Variants in CACNG7 observed in about 807,000 individuals in gnomAD.
CACNG7 encodes calcium voltage-gated channel auxiliary subunit gamma 7, also known as voltage-dependent calcium channel gamma-7 subunit.
In CACNG7, 9 loss-of-function variants were observed where a neutral mutation model predicts 26.3. That is an observed-to-expected ratio of 0.34 (90% CI 0.21 to 0.60). The LOEUF (loss-of-function observed/expected upper bound fraction) is 0.60, where lower values mean the gene tolerates loss of function less well. CACNG7 is among the 20% of genes least tolerant of loss of function. The pLI is 0.81. For synonymous variants in CACNG7, 170 were observed against 157.0 expected (o/e 1.08, Z -0.62); for missense variants, 297 against 380.4 (o/e 0.78, Z 1.82).
chr19:53,922,249 G>C (rs576073521), intron 4 of CACNG7, among the ~76,000 whole-genome samples: 13 of 104,460 alleles, frequency 1.2e-4, no homozygotes, highest in East Asian at 5.3e-4. Context: ...GTCATTGGTG[G>C]AGTTGTCCCC....
intron 4 of CACNG7, among the ~76,000 whole-genome samples, chr19:53,921,802 G>T (rs919413003): frequency 9.6e-6 from 1 of 103,728 alleles, no homozygotes; most frequent in African/African-American, 5.2e-5. Flanking sequence ...TTGTCCCCAG[G>T]TCTGGTCATT....
chr19:53,923,839 G>C (rs778555181), intron 4 of CACNG7, among the ~76,000 whole-genome samples: 42 of 131,258 alleles, frequency 3.2e-4, no homozygotes, highest in African/African-American at 1.3e-3. Flanking sequence ...GTCATTGGTG[G>C]AGTTGCCCCA....
In CACNG7 at chr19:53,926,110, T is replaced by C. The variant is rs545373797; in HGVS notation, c.424+10605T>C. ...AATTAAATCTCATGTGTAGCCCATG[T>C]GCACTCACTCACAGAACAGCTCCCG... On this transcript the variant is annotated intron_variant, in intron 4 of 5. Transcript: ENST00000391767. Among the ~76,000 whole-genome samples the C allele has an allele frequency of 2.0e-5, 3 of 152,344 alleles. No individual in the cohort carries two copies. The South Asian group carries it at 6.2e-4, about 32-fold the overall frequency.
intron 4 of CACNG7, among the ~76,000 whole-genome samples, chr19:53,917,331 A>G (rs991420043): frequency 2.0e-5 from 3 of 152,238 alleles, no homozygotes; most frequent in Non-Finnish European, 4.4e-5. Flanking sequence ...TTGATAGTTT[A>G]TGAACAAACC....
intron 1 of CACNG7, among the ~76,000 whole-genome samples, chr19:53,910,792 G>A (rs2068857402): frequency 6.6e-6 from 1 of 152,130 alleles, no homozygotes; most frequent in South Asian, 2.1e-4. Context: ...AGATGAACTG[G>A]GATCTCCTGT....
At chr19:53,937,869 G>A (rs937971727) in intron 4 of CACNG7, among the ~76,000 whole-genome samples, 6 of 152,142 alleles carry the variant, frequency 3.9e-5, no homozygotes, top group Non-Finnish European at 8.8e-5. Context: ...GGGATTACAG[G>A]CTTAAGCCAC....
chr19:53,941,348 A>T, intron 4 of CACNG7, 122 bp from the exon 5 acceptor site: 1 of 1,129,726 alleles, frequency 8.9e-7, no homozygotes, highest in Non-Finnish European at 1.2e-6. Context: ...CCAGCATACA[A>T]GGGGCTTCAG....
chr19:53,921,559 GCTGGTCATTGGTGGAGTTGCCCCAGGT>G (rs1568774464), intron 4 of CACNG7, among the ~76,000 whole-genome samples: 202 of 118,902 alleles, frequency 1.7e-3, no homozygotes, highest in South Asian at 8.1e-3. Context: ...GTTGCCCCAG[GCTGGTCATTGGTGGAGTTGCCCCAGGT>G]CTGGTCATTG....
intron 4 of CACNG7, among the ~76,000 whole-genome samples, chr19:53,930,249 C>T (rs142777233): frequency 0.036 from 5,483 of 151,464 alleles, 355 homozygotes; most frequent in African/African-American, 0.12. Flanking sequence ...CACTCTGTCA[C>T]CCAGGCTGGA....
chr19:53,921,443 T>C (rs1477161917), intron 4 of CACNG7, among the ~76,000 whole-genome samples: 3 of 148,912 alleles, frequency 2.0e-5, no homozygotes, highest in East Asian at 2.0e-4. Context: ...ATTGGTGGAG[T>C]TGCCCCAGGT....
intron 4 of CACNG7, among the ~76,000 whole-genome samples, chr19:53,934,434 G>C (rs1258995377): frequency 2.6e-5 from 4 of 152,156 alleles, no homozygotes; most frequent in Non-Finnish European, 5.9e-5. Context: ...GGTAAAGATG[G>C]TGTCCATCAG....
At chr19:53,915,561 G>A in intron 4 of CACNG7, 56 bp downstream of exon 4, 1 of 1,600,758 alleles carries the variant, frequency 6.2e-7, no homozygotes. Context: ...AGGGACCTGT[G>A]GTTCCTTTTC....
intron 4 of CACNG7, among the ~76,000 whole-genome samples, chr19:53,925,207 C>A (rs1191388189): frequency 1.7e-5 from 2 of 118,696 alleles, no homozygotes; most frequent in Non-Finnish European, 3.5e-5. Context: ...CATTGGTGGA[C>A]TTGCCCCAGG....
rs1469407932 is a variant in CACNG7 at position 53,912,624 on chromosome 19, T to C, written c.-29-179T>C. ...CAGCCCTGAGGCTGAGGCTCAACAG[T>C]TGGTGTCTCTGGTCAGACTCTAGGG... On this transcript the variant is annotated intron_variant, in intron 1 of 5. Coordinates refer to ENST00000391767, the MANE Select transcript of CACNG7 (RefSeq NM_031896.5). This position sits in a 1 kb window ranked among gnomAD's most constrained non-coding sequence, Gnocchi z 4.6. 5.4e-6 allele frequency: 3 copies of C among 557,388 alleles called. No individual in the cohort carries two copies. Among genetic ancestry groups the C allele is most frequent in the Non-Finnish European group, 9.5e-6 (3 of 315,304 alleles). 34.5% of individuals were successfully genotyped at this position (557,388 alleles called of 1,614,324 possible).
At chr19:53,933,735 A>G (rs1323884997) in intron 4 of CACNG7, among the ~76,000 whole-genome samples, 4 of 148,358 alleles carry the variant, frequency 2.7e-5, no homozygotes, top group African/African-American at 1.0e-4. Flanking sequence ...CTATTACATC[A>G]AGAGACACAG....
intron 4 of CACNG7, among the ~76,000 whole-genome samples, chr19:53,919,767 C>A (rs1306863597): frequency 7.2e-6 from 1 of 138,770 alleles, no homozygotes; most frequent in Non-Finnish European, 1.5e-5. Flanking sequence ...GGTGGAGTTG[C>A]CCCAGGCTGG....
intron 3 of CACNG7, among the ~76,000 whole-genome samples, chr19:53,915,147 C>G (rs991821573): frequency 2.6e-5 from 4 of 151,798 alleles, no homozygotes; most frequent in African/African-American, 9.7e-5. Flanking sequence ...GAGTTAAGCC[C>G]AAGGAGGTGT....
chr19:53,914,273 C>CAAAAAAAAAAAAAAAAAA (rs376053657), intron 2 of CACNG7, among the ~76,000 whole-genome samples: 23 of 107,274 alleles, frequency 2.1e-4, no homozygotes, highest in African/African-American at 8.5e-4. Context: ...GACTCCATCT[C>CAAAAAAAAAAAAAAAAAA]AAAAAAAAAA....
chr19:53,933,980 C>G (rs1002887247), intron 4 of CACNG7, among the ~76,000 whole-genome samples: 1 of 152,104 alleles, frequency 6.6e-6, no homozygotes, highest in Non-Finnish European at 1.5e-5. Context: ...TCATTGCAAC[C>G]TCCATCTCCC....
Sources: gnomAD v4.1 joint callset for allele counts (sites outside exome capture counted in the v4.1 genomes callset) on GRCh38, gnomAD v4.1.1 for gene constraint, Gnocchi (gnomAD v3.1) non-coding constraint, MANE v1.5 for transcripts, NCBI Gene and HGNC (gene_info 2026-07-23, HGNC 2026-07-21) for gene names.